The following VTI1A variants were observed in gnomAD, a reference collection of about 807,000 sequenced individuals.
VTI1A encodes the protein vesicle transport through interaction with t-SNAREs homolog 1A.
A neutral mutation model predicts 34.9 loss-of-function variants in VTI1A; 22 were observed. The ratio of observed to expected loss-of-function variants is 0.63; its 90% confidence interval spans 0.45 to 0.90. The LOEUF (loss-of-function observed/expected upper bound fraction) is 0.90. Ranked by LOEUF, VTI1A falls within the 40% of genes least tolerant of loss-of-function variation. The probability of loss-of-function intolerance (pLI) is 0.00; values close to 1 mark genes in which losing one functional copy is unlikely to be tolerated. For missense variants in VTI1A, 268 were observed against 275.6 expected, an observed-to-expected ratio of 0.97 and a Z score of 0.20; for synonymous variants, 87 against 97.3, an observed-to-expected ratio of 0.89 and a Z score of 0.62.
intron 7 of VTI1A, among the ~76,000 whole-genome samples, chr10:112,781,505 G>A (rs1255483778): frequency 6.6e-6 from 1 of 152,050 alleles, no homozygotes; most frequent in Non-Finnish European, 1.5e-5. Context: ...TCCTCTACGG[G>A]GCTGTCTTGG....
rs373573273 is a variant in VTI1A, at chr10:112,447,388, C to G, written c.15C>G (p.Phe5Leu). Residue 5 changes from phenylalanine to leucine, a missense_variant, in exon 1 of 8, where the codon TTC becomes TTG. Phe to Leu is a conservative substitution (Grantham distance 22). Coordinates refer to ENST00000393077, the MANE Select transcript of VTI1A (RefSeq NM_145206.4). MSSD[F>L]EGYEQDFAVL... is the part of the protein sequence containing the mutation. ...CCGGAGCCGCCATGTCGTCCGACTT[C>G]GAAGGTTACGAGCAGGACTTCGCGG... 3.1e-6 allele frequency: 5 copies of G among 1,613,516 alleles called. No homozygotes were observed.
chr10:112,652,337 C>CAG (rs1242372335), intron 5 of VTI1A, among the ~76,000 whole-genome samples: 2 of 152,300 alleles, frequency 1.3e-5, no homozygotes, highest in South Asian at 2.1e-4. Context: ...CTGTCACCGA[C>CAG]TGTCTCAGTG....
In VTI1A at chr10:112,815,629, T is replaced by G. The variant is rs1031870675; in HGVS notation, c.*246T>G. The G allele has an allele frequency of 7.8e-6, 4 of 515,962 alleles. No homozygotes were observed. Among genetic ancestry groups the G allele is most frequent in the Non-Finnish European group, 1.4e-5 (4 of 285,100 alleles). 32.0% of individuals were successfully genotyped at this position (515,962 alleles called of 1,614,324 possible). On this transcript the variant is annotated 3_prime_UTR_variant, in exon 8 of 8. Transcript: ENST00000393077. Reference sequence around the variant, plus strand: ...TTTTAGAGGGGAAGGTGAATGTTTATTTACCTTTTTGCTAATGTCATCAAC... The same window carrying G: ...TTTTAGAGGGGAAGGTGAATGTTTAGTTACCTTTTTGCTAATGTCATCAAC...
chr10:112,479,580 T>C (rs1306723150), intron 3 of VTI1A, among the ~76,000 whole-genome samples: 1 of 152,226 alleles, frequency 6.6e-6, no homozygotes, highest in African/African-American at 2.4e-5. Flanking sequence ...CATTTATTCT[T>C]CTGAGAGCTG....
At chr10:112,574,211 G>A (rs1298364213) in intron 5 of VTI1A, among the ~76,000 whole-genome samples, 1 of 152,192 alleles carries the variant, frequency 6.6e-6, no homozygotes, top group African/African-American at 2.4e-5. Context: ...ATTACTTCAA[G>A]TATGTCTATA....
intron 5 of VTI1A, among the ~76,000 whole-genome samples, chr10:112,585,171 G>A (rs1844095825): frequency 6.6e-6 from 1 of 152,130 alleles, no homozygotes; most frequent in Non-Finnish European, 1.5e-5. Flanking sequence ...ACAAAATGTC[G>A]ATTCACATCT....
intron 5 of VTI1A, among the ~76,000 whole-genome samples, chr10:112,546,034 A>ATGTGTGTGTATATACGTGTATACGCG (rs1851091501): frequency 7.0e-6 from 1 of 143,328 alleles, no homozygotes; most frequent in Non-Finnish European, 1.5e-5. Context: ...GTATACGCGT[A>ATGTGTGTGTATATACGTGTATACGCG]TGTGTGTGTA....
intron 5 of VTI1A, among the ~76,000 whole-genome samples, chr10:112,585,663 C>CT (rs61436886): frequency 0.15 from 17,717 of 117,228 alleles, 1,292 homozygotes; most frequent in South Asian, 0.23. Context: ...TTGTGGATTT[C>CT]TTTTTTTTTT....
chr10:112,686,490 T>C (rs1352245937), intron 7 of VTI1A, among the ~76,000 whole-genome samples: 1 of 152,226 alleles, frequency 6.6e-6, no homozygotes, highest in East Asian at 1.9e-4. Flanking sequence ...TGGGCCTGTC[T>C]GCCTGGGTGG....
intron 7 of VTI1A, 112 bp downstream of exon 7, chr10:112,669,110 AC>A (rs1847752977): frequency 8.1e-7 from 1 of 1,235,346 alleles, no homozygotes; most frequent in African/African-American, 1.5e-5. Context: ...TGCTCTTAGT[AC>A]CCTGTGCAGG....
intron 7 of VTI1A, among the ~76,000 whole-genome samples, chr10:112,803,267 C>A (rs1852940619): frequency 6.6e-6 from 1 of 152,106 alleles, no homozygotes; most frequent in Non-Finnish European, 1.5e-5. Context: ...GGGGTTTTAC[C>A]AGGTTGGTCA....
chr10:112,824,259 T>A, the VTI1A span: 1 of 152,272 alleles, frequency 6.6e-6, no homozygotes, highest in East Asian at 1.9e-4. Flanking sequence ...GTTACTTTTT[T>A]ATTAAACCAA....
intron 7 of VTI1A, among the ~76,000 whole-genome samples, chr10:112,699,229 GGTA>G (rs1353060662): frequency 6.6e-6 from 1 of 152,172 alleles, no homozygotes; most frequent in East Asian, 1.9e-4. Context: ...TGTCATTGGT[GGTA>G]TCTTAGCTCA....
intron 5 of VTI1A, among the ~76,000 whole-genome samples, chr10:112,546,201 G>GCA (rs1235795041): frequency 1.4e-5 from 2 of 139,574 alleles, no homozygotes; most frequent in African/African-American, 5.4e-5. Flanking sequence ...ACATATATAT[G>GCA]CATACACACA....
intron 7 of VTI1A, among the ~76,000 whole-genome samples, chr10:112,728,571 G>A (rs538704338): frequency 1.3e-5 from 2 of 152,234 alleles, no homozygotes; most frequent in Admixed American, 1.3e-4. Context: ...GATAACCCAG[G>A]TGTCACCACC....
At chr10:112,655,090 C>T (rs1413798806) in intron 5 of VTI1A, among the ~76,000 whole-genome samples, 1 of 152,188 alleles carries the variant, frequency 6.6e-6, no homozygotes, top group Non-Finnish European at 1.5e-5. Context: ...CCAGCATCAC[C>T]AGCAGCATCT....
At chr10:112,525,855 T>A (rs922868302) in intron 3 of VTI1A, among the ~76,000 whole-genome samples, 1 of 152,238 alleles carries the variant, frequency 6.6e-6, no homozygotes, top group African/African-American at 2.4e-5. Flanking sequence ...GATCTCTATG[T>A]GGTCAAGCAG....
chr10:112,739,688 C>T (rs990125983), intron 7 of VTI1A, among the ~76,000 whole-genome samples: 1 of 152,180 alleles, frequency 6.6e-6, no homozygotes, highest in Non-Finnish European at 1.5e-5. Context: ...CTGCATGCTA[C>T]GGAATACTGA....
intron 7 of VTI1A, among the ~76,000 whole-genome samples, chr10:112,712,538 G>A (rs942834108): frequency 2.7e-5 from 4 of 148,882 alleles, no homozygotes; most frequent in Admixed American, 6.7e-5. Flanking sequence ...CTAGTTAAAC[G>A]TTTACTCCAG....
Sources: allele counts gnomAD v4.1 joint callset (sites outside exome capture counted in the v4.1 genomes callset), GRCh38; gene constraint gnomAD v4.1.1; transcripts MANE v1.5; gene names NCBI Gene and HGNC (gene_info 2026-07-23, HGNC 2026-07-21).